MAP3K12: variants seen among roughly 807,000 people sequenced by gnomAD.
MAP3K12 encodes mitogen-activated protein kinase kinase kinase 12.
In MAP3K12, 14 loss-of-function variants were observed where a neutral mutation model predicts 87.5. The observed-to-expected ratio is 0.16, with a 90% CI of 0.11 to 0.25. The LOEUF (loss-of-function observed/expected upper bound fraction) is 0.25. Ranked by LOEUF, MAP3K12 falls within the 10% of genes least tolerant of loss-of-function variation. MAP3K12 has a pLI of 1.00. For missense variants in MAP3K12, 802 were observed against 1,140.4 expected (o/e 0.70, Z 4.27); for synonymous variants, 469 against 452.5 (o/e 1.04, Z -0.46).
intron 1 of MAP3K12, among the ~76,000 whole-genome samples, chr12:53,488,225 C>T (rs557287458): frequency 1.6e-3 from 248 of 152,306 alleles, no homozygotes; most frequent in Non-Finnish European, 2.8e-3. Flanking sequence ...TCCCCCTTGG[C>T]CCTCCCTTCA....
chr12:53,498,608 G>C (rs1270016767), intron 1 of MAP3K12, among the ~76,000 whole-genome samples: 1 of 152,114 alleles, frequency 6.6e-6, no homozygotes, highest in Non-Finnish European at 1.5e-5. Context: ...CTCAACTCTT[G>C]TTTATTTTTA....
intron 13 of MAP3K12, 131 bp downstream of exon 13, chr12:53,481,810 C>G: frequency 8.8e-7 from 1 of 1,142,270 alleles, no homozygotes; most frequent in South Asian, 1.6e-5. Flanking sequence ...TGAAATTCCA[C>G]CACGTGGATA....
Position 53,486,009 on chromosome 12 carries a change from G to A in MAP3K12, c.821+47C>T. On this transcript the variant is annotated intron_variant, in intron 4 of 13. Coordinates refer to ENST00000547488, the MANE Select transcript of MAP3K12 (RefSeq NM_001193511.2). This position sits in a 1 kb window ranked among gnomAD's most constrained non-coding sequence, Gnocchi z 4.9. The stretch of plus-strand genomic sequence containing the variant: ...CCGGGAGAAGGCCACACTGACTTGA[G>A]TGGGTCACCTGCATGCACATCTGTT... 6.5e-7 allele frequency: 1 copy of A among 1,545,562 alleles called. No homozygotes were observed. The highest frequency in any genetic ancestry group is 8.8e-7 in the Non-Finnish European group (1 of 1,138,198).
chr12:53,500,681 G>A (rs784567), upstream of MAP3K12: 52,813 of 152,368 alleles, frequency 0.35, 11,792 homozygotes, highest in Non-Finnish European at 0.5. Context: ...AACAGAGATC[G>A]GTCCCCTCCG....
rs536615809 is a variant in MAP3K12 at position 53,494,285 on chromosome 12, C to T, written c.-38+5142G>A. ...GGAGGGTGGGTCTCTCTGTCACTCA[C>T]TGTCAACCATATCTACCAAGTGTTG... On this transcript the variant is annotated intron_variant, in intron 1 of 13. Coordinates refer to ENST00000547488, the MANE Select transcript of MAP3K12 (RefSeq NM_001193511.2). Among the ~76,000 whole-genome samples the T allele has an allele frequency of 3.3e-5, 5 of 152,334 alleles. No homozygotes were observed. In the East Asian group the frequency reaches 9.6e-4, roughly 29 times the overall value.
intron 8 of MAP3K12, 83 bp from the exon 9 acceptor site, chr12:53,483,806 C>A (rs905678836): frequency 3.1e-6 from 5 of 1,611,878 alleles, no homozygotes; most frequent in East Asian, 2.2e-5. Context: ...TTCCTGTCCA[C>A]AGTCCTTTCG....
rs1942982929 is a variant in MAP3K12 at position 53,480,562 on chromosome 12, C to T, written c.*620G>A. Reference sequence around the variant, plus strand: ...ACAGTAGGACAGTCCCCACCCCAATCAGGCACCAGGATAAAAGCAGGGACT... The same window carrying T: ...ACAGTAGGACAGTCCCCACCCCAATTAGGCACCAGGATAAAAGCAGGGACT... On this transcript the variant is annotated 3_prime_UTR_variant, in exon 14 of 14. Transcript: ENST00000547488. 1 of 152,656 alleles carries T rather than the reference C, an allele frequency of 6.6e-6. No homozygotes were observed. The highest frequency in any genetic ancestry group is 1.5e-5 in the Non-Finnish European group (1 of 68,070). 9.5% of individuals were successfully genotyped at this position (152,656 alleles called of 1,614,324 possible).
At chr12:53,481,400 A>C (rs1943037830) in intron 13 of MAP3K12, 120 bp from the exon 14 acceptor site, 1 of 407,552 alleles carries the variant, frequency 2.5e-6, no homozygotes, top group Admixed American at 4.4e-5. Context: ...CCCAGGCTGG[A>C]GTGCAGTAGC....
In MAP3K12 at chr12:53,483,424, A is replaced by T; in HGVS notation, c.1538T>A (p.Leu513His). 6.2e-7 allele frequency: 1 copy of T among 1,614,002 alleles called. No individual in the cohort carries two copies. Among genetic ancestry groups the T allele is most frequent in the Non-Finnish European group, 8.5e-7 (1 of 1,179,972 alleles). Reference protein sequence around the residue: ...GLLKPHPSRGLLHGNTMEKLI... With the variant: ...GLLKPHPSRGHLHGNTMEKLI... ...CTTCTCCATTGTGTTTCCATGCAGG[A>T]GGCCCCGGGAAGGGTGTGGCTTCAG... Residue 513 changes from leucine (L) to histidine (H), a missense_variant, in exon 10 of 14, where the codon CTC becomes CAC. Around this residue, in one of 5 missense-constraint regions of MAP3K12, gnomAD observed 490 missense variants for 496.6 expected, o/e 0.99. Coordinates refer to ENST00000547488, the MANE Select transcript of MAP3K12 (RefSeq NM_001193511.2).
upstream of MAP3K12, chr12:53,501,336 C>G: frequency 1.3e-6 from 2 of 1,533,216 alleles, no homozygotes; most frequent in Non-Finnish European, 1.8e-6. Context: ...GGCCCCGGCC[C>G]TAGCTCGTCG....
chr12:53,483,746 C>T, intron 8 of MAP3K12, 23 bp from the exon 9 acceptor site: 4 of 1,613,560 alleles, frequency 2.5e-6, no homozygotes, highest in Non-Finnish European at 3.4e-6. Context: ...GAAAGGTTCC[C>T]CAAGGTGAAC....
Position 53,483,363 on chromosome 12 carries a change from T to C in MAP3K12, c.1599A>G (p.Ser533=). 1 of 1,614,132 alleles carries C rather than the reference T, an allele frequency of 6.2e-7. No homozygotes were observed. The highest frequency in any genetic ancestry group is 8.5e-7 in the Non-Finnish European group (1 of 1,179,988). ...IKKRNVPQKL[S]PHSKRPDILK... ...TCATGTCCCACCTTTTGCTATGGGG[T>C]GACAGCTTCTGTGGCACATTCCTCT... Residue 533 remains serine, a synonymous_variant, in exon 10 of 14, where the codon TCA becomes TCG. Coordinates refer to ENST00000547488, the MANE Select transcript of MAP3K12 (RefSeq NM_001193511.2).
intron 4 of MAP3K12, 41 bp from the exon 5 acceptor site, chr12:53,485,516 C>T: frequency 6.3e-7 from 1 of 1,592,272 alleles, no homozygotes. Flanking sequence ...CACCCCTCCA[C>T]ACACCTCATC....
chr12:53,483,252 A>G, intron 10 of MAP3K12, 63 bp from the exon 11 acceptor site: 1 of 1,558,362 alleles, frequency 6.4e-7, no homozygotes, highest in Non-Finnish European at 8.7e-7. Context: ...AGCACTCCCT[A>G]ACCTTGGACA....
rs193210626 is a variant in MAP3K12, at chr12:53,499,096, G to A, written c.-38+331C>T. ...CTCCTTCCCTCTCTCTCTTCCTGAG[G>A]ATGAGTGGGAGGAGATGTTCTCTTG... is the stretch of plus-strand genomic sequence containing the variant. On this transcript the variant is annotated intron_variant, in intron 1 of 13. Transcript: ENST00000547488. Among the ~76,000 whole-genome samples the A allele has an allele frequency of 9.9e-5, 15 of 150,986 alleles. 1 individual carries two copies. In the East Asian group the frequency reaches 2.6e-3, roughly 26 times the overall value.
chr12:53,484,411 G>A (rs757284001), intron 6 of MAP3K12, 46 bp from the exon 7 acceptor site: 2 of 1,372,224 alleles, frequency 1.5e-6, no homozygotes, highest in Non-Finnish European at 2.1e-6. Context: ...TTTGAGGGAG[G>A]ATCAGATAGG....
In MAP3K12 at chr12:53,480,700, AAT is replaced by A. The variant is rs1942993211; in HGVS notation, c.*480_*481del. ...GAGAAGATAAATGGTGGGACAAAAA[AAT>A]GAGTTACATTGCCACCTGAGAAACC... On this transcript the variant is annotated 3_prime_UTR_variant, in exon 14 of 14. Coordinates refer to ENST00000547488, the MANE Select transcript of MAP3K12 (RefSeq NM_001193511.2). The A allele has an allele frequency of 6.6e-6, 1 of 152,556 alleles. No homozygotes were observed. Among genetic ancestry groups the A allele is most frequent in the South Asian group, 2.1e-4 (1 of 4,818 alleles). The allele number at this position is 152,556 out of a possible 1,614,324, so 9.5% of individuals were successfully genotyped here.
At chr12:53,484,423 ACTGGAGCATCCTTTCCCAAAGTGTGTC>A in intron 6 of MAP3K12, 58 bp from the exon 7 acceptor site, 5 of 1,281,224 alleles carry the variant, frequency 3.9e-6, no homozygotes, top group Non-Finnish European at 5.7e-6. Context: ...TCAGATAGGA[ACTGGAGCATCCTTTCCCAAAGTGTGTC>A]CTGGAGAATC....
At chr12:53,498,091 A>G (rs1333624193) in intron 1 of MAP3K12, among the ~76,000 whole-genome samples, 1 of 152,156 alleles carries the variant, frequency 6.6e-6, no homozygotes, top group Admixed American at 6.5e-5. Flanking sequence ...GGGTTTTCCT[A>G]ACATTACCCC....
Sources: allele counts gnomAD v4.1 joint callset (sites outside exome capture counted in the v4.1 genomes callset), GRCh38; gene constraint gnomAD v4.1.1; regional missense constraint gnomAD v4.1.1; non-coding constraint Gnocchi (gnomAD v3.1); transcripts MANE v1.5; gene names NCBI Gene and HGNC (gene_info 2026-07-23, HGNC 2026-07-21).